Variants in STUM observed in about 807,000 individuals in gnomAD.
STUM encodes the protein stum, mechanosensory transduction mediator homolog.
In STUM, 8 loss-of-function variants were observed where a neutral mutation model predicts 15.3. That is an observed-to-expected ratio of 0.52 (90% CI 0.31 to 0.94). The LOEUF (loss-of-function observed/expected upper bound fraction) is 0.94, where lower values mean the gene tolerates loss of function less well. STUM is among the 40% of genes least tolerant of loss of function. The pLI is 0.05. For missense variants in STUM, 142 were observed against 204.9 expected (o/e 0.69, Z 1.87); for synonymous variants, 78 against 88.7 (o/e 0.88, Z 0.68).
intron 1 of STUM, among the ~76,000 whole-genome samples, chr1:226,583,943 C>T (rs188905786): frequency 6.6e-6 from 1 of 152,266 alleles, no homozygotes; most frequent in African/African-American, 2.4e-5. Flanking sequence ...GACATGTTGC[C>T]CAGTGACACT....
intron 1 of STUM, among the ~76,000 whole-genome samples, chr1:226,575,774 C>T (rs1667798504): frequency 6.6e-6 from 1 of 152,222 alleles, no homozygotes; most frequent in Non-Finnish European, 1.5e-5. Context: ...ATAGTCTGAA[C>T]CACCAAAATA....
At chr1:226,555,950 C>T (rs895367577) in intron 1 of STUM, among the ~76,000 whole-genome samples, 8 of 151,994 alleles carry the variant, frequency 5.3e-5, no homozygotes, top group African/African-American at 1.7e-4. Context: ...TCATTTAACC[C>T]GATATATTCA....
intron 1 of STUM, among the ~76,000 whole-genome samples, chr1:226,576,015 G>A (rs1008556644): frequency 3.3e-5 from 5 of 152,230 alleles, no homozygotes; most frequent in African/African-American, 1.2e-4. Context: ...CCTCAGTTAA[G>A]TCTCCCTGCA....
chr1:226,590,652 T>C (rs572741796), intron 1 of STUM, among the ~76,000 whole-genome samples: 2 of 152,312 alleles, frequency 1.3e-5, no homozygotes, highest in South Asian at 4.1e-4. Flanking sequence ...CTCTCTTCAA[T>C]CAGTGGGCAT....
Position 226,608,893 on chromosome 1 carries a change from C to T in STUM, c.*6853C>T, listed in dbSNP as rs1668406011. The T allele has an allele frequency of 6.6e-6, 1 of 152,292 alleles. No individual in the cohort carries two copies. Among genetic ancestry groups the T allele is most frequent in the Non-Finnish European group, 1.5e-5 (1 of 68,096 alleles). 9.4% of individuals were successfully genotyped at this position (152,292 alleles called of 1,614,324 possible). A position where few individuals can be genotyped will look rare whatever the true frequency, so the allele number is the denominator to read the frequency against. ...CCCGGCAGACCTTCCCTGGGAGCTGCTTAGGTGGTCTCCACAGCGCCCTCT... is the reference window on the plus strand; with the variant it reads ...CCCGGCAGACCTTCCCTGGGAGCTGTTTAGGTGGTCTCCACAGCGCCCTCT... On this transcript the variant is annotated 3_prime_UTR_variant, in exon 4 of 4. Transcript: ENST00000366788. This position sits in a 1 kb window ranked among gnomAD's most constrained non-coding sequence, Gnocchi z 4.0.
In STUM at chr1:226,602,025, C is replaced by T; in HGVS notation, c.411C>T (p.Ile137=). Residue 137 remains isoleucine, a synonymous_variant, in exon 4 of 4, where the codon ATC becomes ATT. Coordinates refer to ENST00000366788, the MANE Select transcript of STUM (RefSeq NM_001003665.4). ...AISQGYKEQG[I]PQQL ...TCACAGGCTACAAGGAGCAGGGCAT[C>T]CCACAGCAGCTGTGAGCCCACGGGA... 2 of 1,608,448 alleles carry T rather than the reference C, an allele frequency of 1.2e-6. No homozygotes were observed. The highest frequency in any genetic ancestry group is 1.7e-6 in the Non-Finnish European group (2 of 1,179,804).
intron 1 of STUM, among the ~76,000 whole-genome samples, chr1:226,589,737 G>GGAACAGCATGCGCAGGGATGCT (rs1269107250): frequency 1.3e-5 from 2 of 152,154 alleles, no homozygotes; most frequent in African/African-American, 4.8e-5. Flanking sequence ...AGCATGCGCA[G>GGAACAGCATGCGCAGGGATGCT]GGCCAGCCTC....
chr1:226,584,677 G>A (rs1667971137), intron 1 of STUM, among the ~76,000 whole-genome samples: 1 of 152,188 alleles, frequency 6.6e-6, no homozygotes, highest in Non-Finnish European at 1.5e-5. Flanking sequence ...TGCATTCCAG[G>A]GGTGTTCCTG....
chr1:226,570,566 C>A (rs1208230688), intron 1 of STUM, among the ~76,000 whole-genome samples: 1 of 152,212 alleles, frequency 6.6e-6, no homozygotes, highest in African/African-American at 2.4e-5. Flanking sequence ...CCCACAGGGG[C>A]CAAGCCACCT....
intron 1 of STUM, among the ~76,000 whole-genome samples, 157 bp from the exon 2 acceptor site, chr1:226,596,645 G>T (rs1668184462): frequency 6.6e-6 from 1 of 152,176 alleles, no homozygotes. Flanking sequence ...GCCAGGGTCT[G>T]GGCAGGGGTG....
At chr1:226,584,015 A>G (rs1667958538) in intron 1 of STUM, among the ~76,000 whole-genome samples, 1 of 152,190 alleles carries the variant, frequency 6.6e-6, no homozygotes, top group African/African-American at 2.4e-5. Context: ...TGCGAAAAAA[A>G]AAACCATTGT....
rs551435872 is a variant in STUM, at chr1:226,592,558, AG to A, written c.203-4241del. 1.8e-4 allele frequency among the ~76,000 whole-genome samples: 28 copies of A among 152,338 alleles called. No individual in the cohort carries two copies. The South Asian group carries it at 5.4e-3, about 29-fold the overall frequency. ...AATAAGAGGTAATGTAGGTAGAGAG[AG>A]GGCTGCACAGTGCTTAGCATGCTAT... On this transcript the variant is annotated intron_variant, in intron 1 of 3. Transcript: ENST00000366788.
chr1:226,555,497 A>T (rs1041234410), intron 1 of STUM, among the ~76,000 whole-genome samples: 1 of 59,040 alleles, frequency 1.7e-5, no homozygotes, highest in Non-Finnish European at 3.3e-5. Flanking sequence ...CTGAGACTCA[A>T]CTTTGACTCT....
intron 2 of STUM, among the ~76,000 whole-genome samples, chr1:226,598,797 T>C (rs1668221994): frequency 6.6e-6 from 1 of 152,226 alleles, no homozygotes. Context: ...CTTGGTTGTC[T>C]GCACACTGTT....
At chr1:226,587,176 G>A (rs779620030) in intron 1 of STUM, among the ~76,000 whole-genome samples, 10 of 152,258 alleles carry the variant, frequency 6.6e-5, no homozygotes, top group Middle Eastern at 3.4e-3. Flanking sequence ...GGCAGAGGAG[G>A]TTTGCTAATA....
intron 1 of STUM, among the ~76,000 whole-genome samples, chr1:226,588,477 A>C (rs1488137931): frequency 6.6e-6 from 1 of 152,210 alleles, no homozygotes; most frequent in Non-Finnish European, 1.5e-5. Flanking sequence ...CATGAAGAGC[A>C]TTTGAGTGGC....
chr1:226,559,960 C>T (rs374028326), intron 1 of STUM, among the ~76,000 whole-genome samples: 184 of 118,316 alleles, frequency 1.6e-3, no homozygotes, highest in East Asian at 0.011. Flanking sequence ...GGCAACAGAG[C>T]AAGACTCCGT....
chr1:226,603,020 A>G lies in STUM; in HGVS notation c.*980A>G, dbSNP rs1197352053. On this transcript the variant is annotated 3_prime_UTR_variant, in exon 4 of 4. Coordinates refer to ENST00000366788, the MANE Select transcript of STUM (RefSeq NM_001003665.4). ...TATTTCTGCAGAGAAACATGTGACT[A>G]GTCCCATTAACTGGGAGCTATACAA... 1 of 152,264 alleles carries G rather than the reference A, an allele frequency of 6.6e-6. No individual in the cohort carries two copies. The highest frequency in any genetic ancestry group is 1.9e-4 in the East Asian group (1 of 5,204). The allele number at this position is 152,264 out of a possible 1,614,324, so 9.4% of individuals were successfully genotyped here.
intron 3 of STUM, among the ~76,000 whole-genome samples, chr1:226,601,777 C>T (rs1668272061): frequency 6.6e-6 from 1 of 152,180 alleles, no homozygotes; most frequent in East Asian, 1.9e-4. Context: ...CAAATGCCCG[C>T]CCGTCATACA....
Sources: gnomAD v4.1 joint callset for allele counts (sites outside exome capture counted in the v4.1 genomes callset) on GRCh38, gnomAD v4.1.1 for gene constraint, Gnocchi (gnomAD v3.1) non-coding constraint, MANE v1.5 for transcripts, NCBI Gene and HGNC (gene_info 2026-07-23, HGNC 2026-07-21) for gene names.